Variants in PLXNA4 observed in about 807,000 individuals in gnomAD.
PLXNA4 encodes plexin A4, also known as plexin-A4.
A neutral mutation model predicts 191.8 loss-of-function variants in PLXNA4; 44 were observed. That is an observed-to-expected ratio of 0.23 (90% confidence interval 0.18 to 0.29). PLXNA4 has a LOEUF of 0.29. Ranked by LOEUF, PLXNA4 falls within the 10% of genes least tolerant of loss-of-function variation. The pLI is 1.00. For synonymous variants in PLXNA4, 1,082 were observed against 1,009.5 expected (o/e 1.07, Z -1.36); for missense variants, 1,800 against 2,488.8 (o/e 0.72, Z 5.89).
At chr7:132,170,300 G>A (rs1185531630) in intron 21 of PLXNA4, among the ~76,000 whole-genome samples, 1 of 152,186 alleles carries the variant, frequency 6.6e-6, no homozygotes, top group Non-Finnish European at 1.5e-5. Context: ...GAGGGACCCT[G>A]TGAGGATAAG....
intron 3 of PLXNA4, among the ~76,000 whole-genome samples, chr7:132,409,393 C>G (rs1794359100): frequency 6.6e-6 from 1 of 152,164 alleles, no homozygotes; most frequent in South Asian, 2.1e-4. Flanking sequence ...CCATGGGATT[C>G]TTTTTGTCCG....
At chr7:132,351,042 G>C (rs1803464248) in intron 3 of PLXNA4, among the ~76,000 whole-genome samples, 2 of 152,162 alleles carry the variant, frequency 1.3e-5, no homozygotes, top group Admixed American at 6.5e-5. Context: ...GACACAAAAG[G>C]CTACATATAA....
At chr7:132,269,423 C>G (rs576659697) in intron 4 of PLXNA4, among the ~76,000 whole-genome samples, 1 of 151,362 alleles carries the variant, frequency 6.6e-6, no homozygotes, top group African/African-American at 2.4e-5. Flanking sequence ...TCCACCAGAC[C>G]GGTGAGCAAA....
At chr7:132,614,242 C>T (rs1254526041) in intron 2 of PLXNA4, among the ~76,000 whole-genome samples, 4 of 152,028 alleles carry the variant, frequency 2.6e-5, no homozygotes, top group African/African-American at 7.3e-5. Context: ...ACAATATAAA[C>T]GATTATTGAG....
chr7:132,222,469 G>T lies in PLXNA4; in HGVS notation c.2097+1058C>A, dbSNP rs897776382. Among the ~76,000 whole-genome samples the T allele has an allele frequency of 9.2e-5, 14 of 151,814 alleles. No homozygotes were observed. In the East Asian group the frequency reaches 2.7e-3, roughly 29 times the overall value. On this transcript the variant is annotated intron_variant, in intron 9 of 31. Coordinates refer to ENST00000321063, the MANE Select transcript of PLXNA4 (RefSeq NM_020911.2). ...TGTGTGTTCTCTCAATGCCCCTCCT[G>T]CCCCCCTCCCCCCACCAAATCCCCT...
intron 3 of PLXNA4, among the ~76,000 whole-genome samples, chr7:132,301,637 T>G (rs996433211): frequency 1.6e-4 from 24 of 152,220 alleles, no homozygotes; most frequent in African/African-American, 5.5e-4. Flanking sequence ...CTATTGTTTA[T>G]GTAAACCTGC....
chr7:132,244,169 A>G (rs1798971681), intron 4 of PLXNA4, among the ~76,000 whole-genome samples: 1 of 152,088 alleles, frequency 6.6e-6, no homozygotes, highest in African/African-American at 2.4e-5. Context: ...TTCCTGGGTA[A>G]ACTTGGACAA....
intron 3 of PLXNA4, chr7:132,384,068 A>T (rs1170946772): frequency 1.0e-6 from 1 of 985,396 alleles, no homozygotes; most frequent in Non-Finnish European, 1.2e-6. Context: ...CTCTCACTAA[A>T]TCTCCAGCTT....
intron 4 of PLXNA4, among the ~76,000 whole-genome samples, chr7:132,247,396 T>C (rs923623333): frequency 6.6e-6 from 1 of 151,534 alleles, no homozygotes; most frequent in Non-Finnish European, 1.5e-5. Context: ...TCCTTCAAAA[T>C]TGTCAAAAAA....
At chr7:132,165,517 C>T (rs1796096928) in intron 22 of PLXNA4, among the ~76,000 whole-genome samples, 1 of 152,158 alleles carries the variant, frequency 6.6e-6, no homozygotes, top group Admixed American at 6.5e-5. Flanking sequence ...ATTTTCTCTA[C>T]CTGTGCCATC....
chr7:132,320,325 G>A (rs1189436455), intron 3 of PLXNA4, among the ~76,000 whole-genome samples: 1 of 152,118 alleles, frequency 6.6e-6, no homozygotes, highest in Non-Finnish European at 1.5e-5. Context: ...CTGTTCCTTG[G>A]CTTGTGGCAG....
At chr7:132,422,232 T>A (rs926991291) in intron 3 of PLXNA4, among the ~76,000 whole-genome samples, 1 of 152,180 alleles carries the variant, frequency 6.6e-6, no homozygotes, top group Non-Finnish European at 1.5e-5. Context: ...ATGCAAAGAA[T>A]CTGACTTCCT....
chr7:132,246,845 C>T (rs1799076751), intron 4 of PLXNA4, among the ~76,000 whole-genome samples: 1 of 152,048 alleles, frequency 6.6e-6, no homozygotes, highest in South Asian at 2.1e-4. Flanking sequence ...CTAACCTGTC[C>T]AGTTCCAAAG....
chr7:132,508,427 G>A lies in PLXNA4; in HGVS notation c.267C>T (p.Asp89=), dbSNP rs139250180. The change falls in exon 2 of 32, where the codon GAC becomes GAT. Residue 89 remains aspartate (D), a synonymous_variant. Coordinates refer to ENST00000321063, the MANE Select transcript of PLXNA4 (RefSeq NM_020911.2). This position sits in a 1 kb window ranked among gnomAD's most constrained non-coding sequence, Gnocchi z 4.4. ...GTGGGTAACACTTGGGGTTGTCCTC[G>A]TCCGGCCCTGTCTCATGCGTCACCA... ...KVLVTHETGP[D]EDNPKCYPPR... is the part of the protein sequence containing the mutation. 8.1e-4 allele frequency: 1,308 copies of A among 1,614,166 alleles called. No homozygotes were observed. The highest frequency in any genetic ancestry group is 8.6e-4 in the Non-Finnish European group (1,016 of 1,180,040).
At chr7:132,305,770 G>A (rs909828573) in intron 3 of PLXNA4, among the ~76,000 whole-genome samples, 4 of 152,110 alleles carry the variant, frequency 2.6e-5, no homozygotes, top group South Asian at 2.1e-4. Flanking sequence ...TCTGGCTGCC[G>A]TCTTGCTTGG....
Position 132,202,739 on chromosome 7 carries a change from C to T in PLXNA4, c.2493G>A (p.Gln831=). The T allele has an allele frequency of 2.5e-6, 4 of 1,610,966 alleles. No homozygotes were observed. The highest frequency in any genetic ancestry group is 2.5e-6 in the Non-Finnish European group (3 of 1,178,564). ...FACGWCQGPG[Q]CTLRQHCPAQ... ...CAGGGCAGTGCTGGCGCAGGGTGCA[C>T]TGGCCTGGGCCCTGGCACCAGCCAC... The change falls in exon 12 of 32, where the codon CAG becomes CAA. Residue 831 remains glutamine, a synonymous_variant. Coordinates refer to ENST00000321063, the MANE Select transcript of PLXNA4 (RefSeq NM_020911.2).
intron 3 of PLXNA4, among the ~76,000 whole-genome samples, chr7:132,336,693 TA>T (rs1156878041): frequency 6.6e-6 from 1 of 152,220 alleles, no homozygotes; most frequent in East Asian, 1.9e-4. Flanking sequence ...AGCGAATCAC[TA>T]GCAAAGCTGG....
At chr7:132,583,862 G>A (rs933060866) in intron 2 of PLXNA4, among the ~76,000 whole-genome samples, 5 of 152,258 alleles carry the variant, frequency 3.3e-5, no homozygotes, top group African/African-American at 1.2e-4. Context: ...CTCGAAGCCT[G>A]AAGTCCACAG....
intron 3 of PLXNA4, among the ~76,000 whole-genome samples, chr7:132,320,988 CCT>C (rs1225607135): frequency 6.6e-6 from 1 of 152,138 alleles, no homozygotes; most frequent in Non-Finnish European, 1.5e-5. Flanking sequence ...CCCAAATCTC[CCT>C]GTTTTTCTGC....
Sources: gnomAD v4.1 joint callset for allele counts (sites outside exome capture counted in the v4.1 genomes callset) on GRCh38, gnomAD v4.1.1 for gene constraint, Gnocchi (gnomAD v3.1) non-coding constraint, MANE v1.5 for transcripts, NCBI Gene and HGNC (gene_info 2026-07-23, HGNC 2026-07-21) for gene names.